RSPO2: variants seen among roughly 807,000 people sequenced by gnomAD.
The protein encoded by RSPO2 is R-spondin 2.
In RSPO2, 14 loss-of-function variants were observed where a neutral mutation model predicts 30.9. The observed-to-expected ratio is 0.45, with a 90% CI of 0.30 to 0.71. The LOEUF (loss-of-function observed/expected upper bound fraction) is 0.71, where lower values mean the gene tolerates loss of function less well. Ranked by LOEUF, RSPO2 falls within the 30% of genes least tolerant of loss-of-function variation. The pLI is 0.08. For missense variants in RSPO2, 264 were observed against 301.9 expected, an observed-to-expected ratio of 0.87 and a Z score of 0.93; for synonymous variants, 107 against 96.4, an observed-to-expected ratio of 1.11 and a Z score of -0.64.
intron 2 of RSPO2, among the ~76,000 whole-genome samples, chr8:108,075,928 T>C (rs1294090876): frequency 6.6e-6 from 1 of 152,106 alleles, no homozygotes; most frequent in Non-Finnish European, 1.5e-5. Context: ...CAAAGATAAA[T>C]GTACCGTAGT....
At chr8:107,984,009 A>G (rs1433260272) in intron 3 of RSPO2, 1 of 680,078 alleles carries the variant, frequency 1.5e-6, no homozygotes, top group African/African-American at 1.8e-5. Flanking sequence ...AGGAAATAAT[A>G]CAGTAATCGT....
intron 5 of RSPO2, among the ~76,000 whole-genome samples, chr8:107,909,338 C>T (rs1811751135): frequency 2.1e-5 from 3 of 146,096 alleles, no homozygotes; most frequent in East Asian, 2.3e-4. Flanking sequence ...TCTTGGTTCA[C>T]TGCAACCTCC....
intron 3 of RSPO2, among the ~76,000 whole-genome samples, chr8:107,971,670 C>T (rs1814004581): frequency 6.6e-6 from 1 of 152,170 alleles, no homozygotes; most frequent in East Asian, 1.9e-4. Flanking sequence ...ATCACAATGA[C>T]AAAATTAAGA....
chr8:108,012,264 T>C (rs536093928), intron 2 of RSPO2, among the ~76,000 whole-genome samples: 4 of 152,326 alleles, frequency 2.6e-5, no homozygotes, highest in African/African-American at 9.6e-5. Context: ...TCCTCAAACC[T>C]GCAGCATCAG....
At chr8:107,955,824 A>G (rs1302502132) in intron 5 of RSPO2, among the ~76,000 whole-genome samples, 2 of 152,184 alleles carry the variant, frequency 1.3e-5, no homozygotes, top group Non-Finnish European at 2.9e-5. Flanking sequence ...TTTGTGTGCA[A>G]TCAGGTTAAG....
intron 2 of RSPO2, among the ~76,000 whole-genome samples, chr8:108,023,249 C>T (rs1811109265): frequency 6.6e-6 from 1 of 152,122 alleles, no homozygotes; most frequent in South Asian, 2.1e-4. Context: ...AAAATTATAT[C>T]ACTTTAAGCA....
intron 2 of RSPO2, among the ~76,000 whole-genome samples, chr8:108,058,732 A>G (rs1322959052): frequency 6.6e-6 from 1 of 151,908 alleles, no homozygotes; most frequent in Non-Finnish European, 1.5e-5. Context: ...AACCTGAGAA[A>G]AACAAGCAAT....
intron 5 of RSPO2, among the ~76,000 whole-genome samples, chr8:107,916,667 A>C (rs1811993401): frequency 6.6e-6 from 1 of 152,212 alleles, no homozygotes; most frequent in Admixed American, 6.5e-5. Context: ...GACTTAAGCA[A>C]GAGAAAAGGG....
intron 2 of RSPO2, among the ~76,000 whole-genome samples, chr8:108,053,813 A>C (rs2130684723): frequency 6.6e-6 from 1 of 152,316 alleles, no homozygotes; most frequent in South Asian, 2.1e-4. Flanking sequence ...TTACTGGCTA[A>C]GAAACGTAAG....
At chr8:107,952,780 T>C (rs1373960012) in intron 5 of RSPO2, among the ~76,000 whole-genome samples, 4 of 152,200 alleles carry the variant, frequency 2.6e-5, no homozygotes, top group African/African-American at 9.6e-5. Flanking sequence ...TGTCAGTTTA[T>C]ACACACACGA....
intron 5 of RSPO2, among the ~76,000 whole-genome samples, chr8:107,948,859 CA>C (rs200850030): frequency 1.4e-5 from 2 of 145,610 alleles, no homozygotes; most frequent in African/African-American, 5.1e-5. Flanking sequence ...GACTCCATCT[CA>C]AAAAAAAAAT....
intron 5 of RSPO2, among the ~76,000 whole-genome samples, chr8:107,921,084 T>A (rs1003731179): frequency 2.4e-4 from 37 of 152,088 alleles, no homozygotes; most frequent in African/African-American, 8.9e-4. Flanking sequence ...ATGTATATAA[T>A]TAGACATGGA....
chr8:108,082,729 G>A lies in RSPO2; in HGVS notation c.-91C>T. Reference sequence around the variant, plus strand: ...CCGGCGCCGGCCGCGCTGCTGGGGAGGACTCAGAGGGAGACTCGCCACTCA... The same window carrying A: ...CCGGCGCCGGCCGCGCTGCTGGGGAAGACTCAGAGGGAGACTCGCCACTCA... On this transcript the variant is annotated 5_prime_UTR_variant, in exon 2 of 6. Transcript: ENST00000276659. 1 of 1,011,210 alleles carries A rather than the reference G, an allele frequency of 9.9e-7. No homozygotes were observed. The highest frequency in any genetic ancestry group is 1.6e-5 in the African/African-American group (1 of 63,432). 62.6% of individuals were successfully genotyped at this position (1,011,210 alleles called of 1,614,324 possible).
chr8:108,054,942 T>G (rs554224594), intron 2 of RSPO2, among the ~76,000 whole-genome samples: 2 of 151,934 alleles, frequency 1.3e-5, no homozygotes, highest in African/African-American at 4.8e-5. Context: ...AGCAAAACCC[T>G]GTCTCTAACA....
chr8:107,957,353 T>C (rs1462701275), intron 5 of RSPO2, among the ~76,000 whole-genome samples: 1 of 152,206 alleles, frequency 6.6e-6, no homozygotes. Flanking sequence ...TGATTACTGC[T>C]TTAGGGACAG....
chr8:107,937,833 T>C (rs934930777), intron 5 of RSPO2, among the ~76,000 whole-genome samples: 1 of 152,116 alleles, frequency 6.6e-6, no homozygotes, highest in Non-Finnish European at 1.5e-5. Context: ...AACTGGATGC[T>C]TCACCAAATG....
chr8:108,031,574 TACA>T (rs1811423546), intron 2 of RSPO2, among the ~76,000 whole-genome samples: 1 of 152,324 alleles, frequency 6.6e-6, no homozygotes, highest in African/African-American at 2.4e-5. Context: ...TGGGTGAGAT[TACA>T]TAAAAAACAA....
At chr8:107,975,000 T>G (rs968882787) in intron 3 of RSPO2, among the ~76,000 whole-genome samples, 1 of 152,228 alleles carries the variant, frequency 6.6e-6, no homozygotes, top group Non-Finnish European at 1.5e-5. Context: ...ATCTACAGAA[T>G]GCAGAGATTT....
intron 2 of RSPO2, among the ~76,000 whole-genome samples, chr8:108,071,337 CT>C (rs1489364328): frequency 1.3e-5 from 2 of 152,190 alleles, no homozygotes; most frequent in African/African-American, 4.8e-5. Flanking sequence ...TCAGCCACTG[CT>C]GATGTAACTT....
Sources: gnomAD v4.1 joint callset for allele counts (sites outside exome capture counted in the v4.1 genomes callset) on GRCh38, gnomAD v4.1.1 for gene constraint, MANE v1.5 for transcripts, NCBI Gene and HGNC (gene_info 2026-07-23, HGNC 2026-07-21) for gene names.